Variants in CIB4 observed in about 807,000 individuals in gnomAD.
The protein encoded by CIB4 is calcium and integrin-binding family member 4.
CIB4 carries 25 observed loss-of-function variants against 25.8 expected under a neutral mutation model. That is an observed-to-expected ratio of 0.97 (90% CI 0.71 to 1.35). The LOEUF (loss-of-function observed/expected upper bound fraction) is 1.35, where lower values mean the gene tolerates loss of function less well. Among genes scored for constraint, CIB4 ranks in the 40% most tolerant of loss-of-function variants. The pLI is 0.00. For synonymous variants in CIB4, 75 were observed against 81.4 expected (o/e 0.92, Z 0.42); for missense variants, 235 against 228.2 (o/e 1.03, Z -0.19).
chr2:26,632,496 CCTGTAATCCCAGCA>C (rs370445350), intron 2 of CIB4, among the ~76,000 whole-genome samples: 3 of 152,264 alleles, frequency 2.0e-5, no homozygotes, highest in African/African-American at 7.2e-5. Flanking sequence ...GTGGCTCCTG[CCTGTAATCCCAGCA>C]CTATGGGAGG....
intron 4 of CIB4, among the ~76,000 whole-genome samples, chr2:26,590,251 G>C (rs1435794289): frequency 2.5e-5 from 2 of 80,934 alleles, no homozygotes; most frequent in African/African-American, 4.8e-5. Context: ...TGGGGCCCAA[G>C]CATCTGTAAA....
intron 3 of CIB4, among the ~76,000 whole-genome samples, chr2:26,610,105 C>G (rs962293207): frequency 6.6e-6 from 1 of 152,220 alleles, no homozygotes; most frequent in East Asian, 1.9e-4. Flanking sequence ...TTACAAGCAG[C>G]CTTCCTGTTT....
At chr2:26,583,038 G>A in intron 5 of CIB4, 125 bp from the exon 6 acceptor site, 1 of 631,978 alleles carries the variant, frequency 1.6e-6, no homozygotes. Context: ...TGTCTCCTGG[G>A]TCCCCTGACC....
At chr2:26,599,576 CAAT>C (rs1265196294) in intron 3 of CIB4, among the ~76,000 whole-genome samples, 3 of 152,098 alleles carry the variant, frequency 2.0e-5, no homozygotes, top group South Asian at 2.1e-4. Flanking sequence ...GCTAGTGACT[CAAT>C]GATGATGTCA....
At chr2:26,620,193 G>A (rs535830388) in intron 3 of CIB4, among the ~76,000 whole-genome samples, 3 of 147,724 alleles carry the variant, frequency 2.0e-5, no homozygotes, top group Admixed American at 6.6e-5. Flanking sequence ...TACAGACTCC[G>A]CGACTGAGGA....
chr2:26,639,648 C>T (rs1229019137), intron 2 of CIB4, among the ~76,000 whole-genome samples: 1 of 152,072 alleles, frequency 6.6e-6, no homozygotes, highest in East Asian at 1.9e-4. Context: ...TGGGTGACAG[C>T]CCCTGGTTAG....
chr2:26,617,727 T>A (rs370327607), intron 3 of CIB4, among the ~76,000 whole-genome samples: 1 of 152,168 alleles, frequency 6.6e-6, no homozygotes, highest in East Asian at 1.9e-4. Flanking sequence ...CTGCCTGGGT[T>A]GAGGATGATC....
chr2:26,622,449 G>A (rs1162541612), intron 3 of CIB4, among the ~76,000 whole-genome samples: 2 of 152,150 alleles, frequency 1.3e-5, no homozygotes, highest in Non-Finnish European at 2.9e-5. Flanking sequence ...GGAGGGCAGG[G>A]GAACAAGGAG....
At chr2:26,602,019 T>C (rs1344719798) in intron 3 of CIB4, among the ~76,000 whole-genome samples, 1 of 152,160 alleles carries the variant, frequency 6.6e-6, no homozygotes, top group Non-Finnish European at 1.5e-5. Context: ...TTGGGGGTGA[T>C]GGAACTGTTC....
At chr2:26,591,119 G>A (rs1668579149) in intron 4 of CIB4, among the ~76,000 whole-genome samples, 1 of 152,210 alleles carries the variant, frequency 6.6e-6, no homozygotes. Flanking sequence ...GTCTTTTGTG[G>A]CCTCTGCCCA....
At chr2:26,601,327 A>G (rs1436818807) in intron 3 of CIB4, among the ~76,000 whole-genome samples, 1 of 150,970 alleles carries the variant, frequency 6.6e-6, no homozygotes, top group Admixed American at 6.6e-5. Flanking sequence ...ATAGACAAAT[A>G]GATCAATGGC....
At chr2:26,584,805 G>C (rs1165347871) in intron 4 of CIB4, among the ~76,000 whole-genome samples, 1 of 152,134 alleles carries the variant, frequency 6.6e-6, no homozygotes, top group Admixed American at 6.5e-5. Context: ...GGAGCCCTGG[G>C]GACTCTGGGG....
chr2:26,593,528 A>G (rs1019814227), intron 4 of CIB4, among the ~76,000 whole-genome samples: 7 of 152,206 alleles, frequency 4.6e-5, no homozygotes, highest in Non-Finnish European at 8.8e-5. Context: ...ATACAGTTAT[A>G]ATAGCTAATT....
chr2:26,631,081 T>C (rs1669410957), intron 2 of CIB4, among the ~76,000 whole-genome samples: 1 of 152,214 alleles, frequency 6.6e-6, no homozygotes, highest in Non-Finnish European at 1.5e-5. Flanking sequence ...GAAAGGAGTC[T>C]GTATGCAGGA....
At chr2:26,629,606 G>T in intron 2 of CIB4, 100 bp from the exon 3 acceptor site, 2 of 765,766 alleles carry the variant, frequency 2.6e-6, no homozygotes, top group Admixed American at 2.1e-5. Context: ...GCTGCAAGGG[G>T]TGGGGGTGTC....
At chr2:26,604,665 A>G (rs1192336482) in intron 3 of CIB4, among the ~76,000 whole-genome samples, 4 of 152,216 alleles carry the variant, frequency 2.6e-5, no homozygotes, top group Admixed American at 6.5e-5. Flanking sequence ...CAGAGCTACA[A>G]AAAATATAAA....
chr2:26,618,710 C>G (rs1482114440), intron 3 of CIB4, among the ~76,000 whole-genome samples: 1 of 152,210 alleles, frequency 6.6e-6, no homozygotes, highest in Non-Finnish European at 1.5e-5. Flanking sequence ...CGTGTGGGTA[C>G]TCCGAGGGCC....
At chr2:26,613,767 G>C (rs1201232434) in intron 3 of CIB4, among the ~76,000 whole-genome samples, 2 of 152,198 alleles carry the variant, frequency 1.3e-5, no homozygotes, top group African/African-American at 4.8e-5. Flanking sequence ...AAGGGGCCTG[G>C]GCTCTTGTGA....
chr2:26,584,937 C>A (rs1668421890), intron 4 of CIB4, among the ~76,000 whole-genome samples: 1 of 152,200 alleles, frequency 6.6e-6, no homozygotes, highest in Non-Finnish European at 1.5e-5. Flanking sequence ...CCTTCCAGGA[C>A]AGCGCTCAGA....
Sources: allele counts gnomAD v4.1 joint callset (sites outside exome capture counted in the v4.1 genomes callset), GRCh38; gene constraint gnomAD v4.1.1; transcripts MANE v1.5; gene names NCBI Gene and HGNC (gene_info 2026-07-23, HGNC 2026-07-21).